CTCF: variants seen among roughly 807,000 people sequenced by gnomAD.
The protein encoded by CTCF is CCCTC-binding factor.
Under a neutral mutation model 72.3 loss-of-function variants are expected in CTCF, and 7 were observed. The ratio of observed to expected loss-of-function variants is 0.10; its 90% CI spans 0.06 to 0.18. The LOEUF (loss-of-function observed/expected upper bound fraction) is 0.18, where lower values mean the gene tolerates loss of function less well. CTCF is among the 10% of genes least tolerant of loss of function. The pLI, the probability that CTCF is intolerant of heterozygous loss-of-function variation, is 1.00. For missense variants in CTCF, 516 were observed against 949.1 expected, an observed-to-expected ratio of 0.54 and a Z score of 6.00; for synonymous variants, 374 against 315.8, an observed-to-expected ratio of 1.18 and a Z score of -1.95.
chr16:67,590,625 C>T (rs2142763170), intron 2 of CTCF, among the ~76,000 whole-genome samples: 1 of 151,862 alleles, frequency 6.6e-6, no homozygotes, highest in African/African-American at 2.4e-5. Flanking sequence ...GCGTGAGCCA[C>T]CGTGCCCGGC....
At chr16:67,586,994 C>G (rs1455765692) in intron 2 of CTCF, among the ~76,000 whole-genome samples, 1 of 151,856 alleles carries the variant, frequency 6.6e-6, no homozygotes, top group African/African-American at 2.4e-5. Flanking sequence ...AAGGTTTTGC[C>G]ATGTTGCTTA....
chr16:67,616,968 AGAT>A (rs1328939749), intron 5 of CTCF, 90 bp downstream of exon 5: 54 of 1,318,724 alleles, frequency 4.1e-5, no homozygotes, highest in Non-Finnish European at 5.7e-5. Context: ...AACGGACTTA[AGAT>A]GAGGTAGAAA....
intron 7 of CTCF, among the ~76,000 whole-genome samples, chr16:67,625,961 T>G (rs1371491464): frequency 1.3e-5 from 2 of 152,126 alleles, no homozygotes; most frequent in Non-Finnish European, 2.9e-5. Context: ...TAAATCCTGT[T>G]GATTCAACTG....
chr16:67,569,047 G>C (rs2051378941), intron 1 of CTCF, among the ~76,000 whole-genome samples: 1 of 151,680 alleles, frequency 6.6e-6, no homozygotes, highest in African/African-American at 2.4e-5. Flanking sequence ...CACTATGTTG[G>C]TCAGGCTGGT....
intron 5 of CTCF, among the ~76,000 whole-genome samples, chr16:67,619,304 C>T (rs2052171981): frequency 6.6e-6 from 1 of 152,056 alleles, no homozygotes; most frequent in South Asian, 2.1e-4. Context: ...GGCCTGGTGG[C>T]GTGCGCCTGT....
intron 2 of CTCF, among the ~76,000 whole-genome samples, chr16:67,573,800 A>T (rs1330181162): frequency 2.0e-5 from 3 of 152,144 alleles, no homozygotes; most frequent in African/African-American, 7.2e-5. Context: ...TGGGAGGCCA[A>T]GGTGGGCAGA....
chr16:67,631,680 ACC>A (rs796178685), intron 10 of CTCF, among the ~76,000 whole-genome samples: 3,534 of 57,558 alleles, frequency 0.061, 107 homozygotes, highest in African/African-American at 0.19. Flanking sequence ...GGTCCCCCCC[ACC>A]CCCCCCCCCT....
chr16:67,606,756 G>GTTTTTT (rs796220502), intron 2 of CTCF, among the ~76,000 whole-genome samples: 1 of 124,474 alleles, frequency 8.0e-6, no homozygotes, highest in African/African-American at 3.1e-5. Flanking sequence ...TTTGTTTTGG[G>GTTTTTT]TTTTTTTTTT....
intron 2 of CTCF, among the ~76,000 whole-genome samples, chr16:67,587,099 CATTTT>C (rs2051679037): frequency 7.8e-6 from 1 of 127,588 alleles, no homozygotes; most frequent in Admixed American, 7.9e-5. Flanking sequence ...ACTTCTTAAA[CATTTT>C]TTTTTTTTTT....
intron 1 of CTCF, among the ~76,000 whole-genome samples, chr16:67,567,026 G>A (rs1285414510): frequency 2.0e-5 from 3 of 151,882 alleles, no homozygotes; most frequent in African/African-American, 7.3e-5. Flanking sequence ...ATTTTTTCTA[G>A]GTATGGGGTT....
intron 4 of CTCF, among the ~76,000 whole-genome samples, chr16:67,613,088 T>C (rs570309743): frequency 8.5e-5 from 13 of 152,374 alleles, no homozygotes; most frequent in South Asian, 4.1e-4. Flanking sequence ...TATTCTGATA[T>C]TAGCTTCATG....
chr16:67,572,678 C>T (rs2051438765), intron 2 of CTCF: 1 of 152,134 alleles, frequency 6.6e-6, no homozygotes, highest in African/African-American at 2.4e-5. Flanking sequence ...CCTCCAAAAT[C>T]CCAGTAATCC....
At position 67,638,476 on chromosome 16, in the gene CTCF, A is replaced by G. The variant is rs2052462751; in HGVS notation, c.*604A>G. On this transcript the variant is annotated 3_prime_UTR_variant, in exon 12 of 12. Transcript: ENST00000264010. ...TTTTCCATTAATTAAGAGGTTGAAA[A>G]GAAGTGCAGTGTAAGAAAACCCAGC... is the stretch of plus-strand genomic sequence containing the variant. The G allele has an allele frequency of 8.9e-6, 2 of 224,508 alleles. No individual in the cohort carries two copies. Among genetic ancestry groups the G allele is most frequent in the Non-Finnish European group, 1.8e-5 (2 of 112,206 alleles). The allele number at this position is 224,508 out of a possible 1,614,324, so 13.9% of individuals were successfully genotyped here.
intron 2 of CTCF, among the ~76,000 whole-genome samples, chr16:67,588,083 C>T (rs1454949644): frequency 6.6e-6 from 1 of 152,064 alleles, no homozygotes; most frequent in Non-Finnish European, 1.5e-5. Context: ...GTCTCGAACT[C>T]CTGACCTCAG....
chr16:67,570,371 C>T (rs112095938), intron 1 of CTCF, among the ~76,000 whole-genome samples: 2,776 of 151,934 alleles, frequency 0.018, 38 homozygotes, highest in Middle Eastern at 0.034. Context: ...TAAGCCACTG[C>T]GCCCAGCCAA....
At chr16:67,606,305 T>C (rs902095775) in intron 2 of CTCF, among the ~76,000 whole-genome samples, 1 of 152,248 alleles carries the variant, frequency 6.6e-6, no homozygotes, top group Non-Finnish European at 1.5e-5. Context: ...ACTCTGCCTT[T>C]AAATGTCCTG....
At chr16:67,584,334 C>CGTCTTTTTTTTTTTTTTTT (rs1567596519) in intron 2 of CTCF, among the ~76,000 whole-genome samples, 1 of 121,928 alleles carries the variant, frequency 8.2e-6, no homozygotes, top group African/African-American at 3.7e-5. Context: ...AAAAAAAAGT[C>CGTCTTTTTTTTTTTTTTTT]TTCTTTTTTT....
At chr16:67,616,645 A>G in intron 4 of CTCF, 100 bp from the exon 5 acceptor site, 1 of 1,367,034 alleles carries the variant, frequency 7.3e-7, no homozygotes, top group East Asian at 2.3e-5. Context: ...GATGGGATGA[A>G]TAGGGTTCCA....
chr16:67,607,232 C>T lies in CTCF; in HGVS notation c.-9-3592C>T, dbSNP rs553494762. On this transcript the variant is annotated intron_variant, in intron 2 of 11. Coordinates refer to ENST00000264010, the MANE Select transcript of CTCF (RefSeq NM_006565.4). ...TCGGCCTCCCAAAATGCTGGGATTA[C>T]AGGCCTGAGCCACCACGCCTGGCCC... 1.6e-3 allele frequency among the ~76,000 whole-genome samples: 241 copies of T among 152,238 alleles called. 2 individuals are homozygous for T. Among genetic ancestry groups the T allele is most frequent in the African/African-American group, 5.5e-3 (229 of 41,556 alleles).
Sources: allele counts gnomAD v4.1 joint callset (sites outside exome capture counted in the v4.1 genomes callset), GRCh38; gene constraint gnomAD v4.1.1; transcripts MANE v1.5; gene names NCBI Gene and HGNC (gene_info 2026-07-23, HGNC 2026-07-21).